Variants in DST observed in about 807,000 individuals in gnomAD.
The protein encoded by DST is bullous pemphigoid antigen.
A neutral mutation model predicts 875.2 loss-of-function variants in DST; 253 were observed. The observed-to-expected ratio is 0.29, with a 90% CI of 0.26 to 0.32. The LOEUF is 0.32. Ranked by LOEUF, DST falls within the 10% of genes least tolerant of loss-of-function variation. The pLI is 1.00. For missense variants in DST, 8,287 were observed against 9,111.6 expected, an observed-to-expected ratio of 0.91 and a Z score of 3.68; for synonymous variants, 3,124 against 3,197.1, an observed-to-expected ratio of 0.98 and a Z score of 0.77.
intron 4 of DST, among the ~76,000 whole-genome samples, chr6:56,754,975 T>C (rs935891746): frequency 1.3e-5 from 2 of 152,152 alleles, no homozygotes; most frequent in Admixed American, 1.3e-4. Context: ...TCCCTTCTAT[T>C]TCACTAGCTT....
Position 56,631,962 on chromosome 6 carries a change from T to A in DST, c.3884A>T (p.Asp1295Val), listed in dbSNP as rs149475954. 1.8e-5 allele frequency: 29 copies of A among 1,613,602 alleles called. No homozygotes were observed. Among genetic ancestry groups the A allele is most frequent in the Non-Finnish European group, 5.1e-6 (6 of 1,179,626 alleles). ...AGTTCGAATCTGTCTAATCAGCCGA[T>A]CTTCACAGTTCTCTAACCGAAGTCT... ...NIRLRLENCE[D>V]RLIRQIRTPL... The change falls in exon 29 of 104, where the codon GAT (aspartate) becomes GTT (valine). Residue 1295 changes from aspartate (D) to valine (V), a missense_variant. This residue lies in a region of DST where 3,138 missense variants were observed against 3,116.6 expected (regional missense o/e 1.01). Transcript: ENST00000680361.
rs538560198 is a variant in DST, at chr6:56,645,968, T to C, written c.1676A>G (p.Lys559Arg). Residue 559 changes from lysine (K) to arginine (R), a missense_variant, in exon 15 of 104, where the codon AAG becomes AGG. By Grantham distance (26) the Lys-to-Arg change is conservative. Around this residue, in one of 10 missense-constraint regions of DST, gnomAD observed 1,160 missense variants for 1,424.3 expected, o/e 0.81. Transcript: ENST00000680361. ...ATTTGGATGATAACCTTGAAGGAGC[T>C]TGATGCGTCCAAATTCTATCCAAAT... ...LEIWIEFGRI[K>R]LLQGYHPNDI... is the part of the protein sequence containing the mutation. The C allele has an allele frequency of 1.8e-5, 29 of 1,613,374 alleles. No individual in the cohort carries two copies. The African/African-American group carries it at 3.2e-4, about 18-fold the overall frequency.
intron 92 of DST, chr6:56,474,407 C>G (rs1419744759): frequency 1.3e-5 from 2 of 159,520 alleles, no homozygotes; most frequent in African/African-American, 4.8e-5. Flanking sequence ...TCGCTTGAAC[C>G]TGGGAGGCAG....
At chr6:56,620,078 G>C (rs142302277) in intron 36 of DST, 1 of 1,613,516 alleles carries the variant, frequency 6.2e-7, no homozygotes, top group South Asian at 1.1e-5. Flanking sequence ...TTTTCTTCTT[G>C]CTTCCAATTC....
chr6:56,778,202 ATC>A (rs1206995221), intron 4 of DST, among the ~76,000 whole-genome samples: 2 of 152,026 alleles, frequency 1.3e-5, no homozygotes, highest in Admixed American at 1.3e-4. Context: ...CCTTTCATTC[ATC>A]TCTGTCTCCC....
intron 9 of DST, among the ~76,000 whole-genome samples, chr6:56,681,366 C>T (rs552309181): frequency 2.0e-5 from 3 of 152,318 alleles, no homozygotes; most frequent in South Asian, 2.1e-4. Flanking sequence ...CCACAGTGAA[C>T]TACTTCTACT....
chr6:56,777,801 C>T (rs2099682105), intron 4 of DST, among the ~76,000 whole-genome samples: 1 of 151,818 alleles, frequency 6.6e-6, no homozygotes, highest in Admixed American at 6.6e-5. Context: ...GGGCCCAAGC[C>T]ATCCTCCCAC....
intron 36 of DST, chr6:56,614,861 A>C: frequency 5.0e-6 from 5 of 993,756 alleles, no homozygotes; most frequent in Non-Finnish European, 6.0e-6. Flanking sequence ...GGCTGATAGA[A>C]TAGAGAACGT....
intron 4 of DST, among the ~76,000 whole-genome samples, chr6:56,736,627 C>T (rs1432904099): frequency 6.6e-6 from 1 of 152,088 alleles, no homozygotes; most frequent in Non-Finnish European, 1.5e-5. Context: ...CTCTTTTTCT[C>T]CTCATTCTTC....
At chr6:56,469,071 T>C (rs959650116) in intron 97 of DST, 72 bp from the exon 98 acceptor site, 1 of 1,192,016 alleles carries the variant, frequency 8.4e-7, no homozygotes, top group Non-Finnish European at 1.2e-6. Flanking sequence ...CTCTAGAACA[T>C]ACACACATAC....
At chr6:56,526,320 G>A (rs1319510721) in intron 69 of DST, 41 bp downstream of exon 69, 3 of 1,598,148 alleles carry the variant, frequency 1.9e-6, no homozygotes, top group Non-Finnish European at 1.7e-6. Context: ...AGAACAGCTG[G>A]AGAAAATTTA....
At chr6:56,693,236 T>C (rs183120459) in intron 9 of DST, 2 of 1,203,320 alleles carry the variant, frequency 1.7e-6, no homozygotes, top group Admixed American at 6.9e-5. Flanking sequence ...GTCTGAAAAT[T>C]CCACTCTGAC....
chr6:56,626,004 A>G (rs2098731441), intron 34 of DST, among the ~76,000 whole-genome samples: 1 of 151,560 alleles, frequency 6.6e-6, no homozygotes, highest in East Asian at 1.9e-4. Context: ...AAAATTAAAA[A>G]TAGAAAAAAG....
Position 56,490,164 on chromosome 6 carries a change from A to G in DST, c.20758-555T>C, listed in dbSNP as rs12193124. 5.1e-3 allele frequency among the ~76,000 whole-genome samples: 782 copies of G among 152,278 alleles called. 8 individuals carry two copies. Among genetic ancestry groups the G allele is most frequent in the Admixed American group, 4.2e-3 (65 of 15,300 alleles). ...ATAGTTCAACATCTTTATTGCTGCT[A>G]TCAATATCCTCAAATCAATGCCTGT... On this transcript the variant is annotated intron_variant, in intron 85 of 103. Coordinates refer to ENST00000680361, the MANE Select transcript of DST (RefSeq NM_001374736.1).
At chr6:56,689,580 C>G (rs2099213681) in intron 9 of DST, among the ~76,000 whole-genome samples, 1 of 152,132 alleles carries the variant, frequency 6.6e-6, no homozygotes. Context: ...AGAGGATTCT[C>G]CTGCAGGGAC....
intron 61 of DST, among the ~76,000 whole-genome samples, chr6:56,548,447 G>C (rs2097265180): frequency 6.6e-6 from 1 of 152,224 alleles, no homozygotes. Context: ...CTGATTGGCT[G>C]TTAATCACAT....
chr6:56,481,866 T>A (rs953335055), intron 90 of DST, among the ~76,000 whole-genome samples, 184 bp downstream of exon 90: 2 of 152,186 alleles, frequency 1.3e-5, no homozygotes. Flanking sequence ...CATACATGTG[T>A]GTGGGTGCAT....
chr6:56,809,691 T>C (rs2099757525), intron 4 of DST, among the ~76,000 whole-genome samples: 1 of 152,296 alleles, frequency 6.6e-6, no homozygotes, highest in African/African-American at 2.4e-5. Context: ...AACGTAACCA[T>C]TCATGATTCA....
chr6:56,622,904 T>C lies in DST; in HGVS notation c.4929+1626A>G, dbSNP rs545692732. On this transcript the variant is annotated intron_variant, in intron 36 of 103. Transcript: ENST00000680361. Reference sequence around the variant, plus strand: ...ATTAACTTGCATCCATCTTTGATTTTATGTTTATTATGGAAAATTCTGCTT... The same window carrying C: ...ATTAACTTGCATCCATCTTTGATTTCATGTTTATTATGGAAAATTCTGCTT... Among the ~76,000 whole-genome samples, 9 of 152,358 alleles carry C rather than the reference T, an allele frequency of 5.9e-5. No homozygotes were observed. The South Asian group carries it at 1.7e-3, about 28-fold the overall frequency.
Sources: allele counts gnomAD v4.1 joint callset (sites outside exome capture counted in the v4.1 genomes callset), GRCh38; gene constraint gnomAD v4.1.1; regional missense constraint gnomAD v4.1.1; transcripts MANE v1.5; gene names NCBI Gene and HGNC (gene_info 2026-07-23, HGNC 2026-07-21).